LGSN: variants seen among roughly 807,000 people sequenced by gnomAD.
LGSN encodes the protein lengsin.
In LGSN, 21 loss-of-function variants were observed where a neutral mutation model predicts 19.5. The observed-to-expected ratio is 1.07, with a 90% CI of 0.76 to 1.55. The LOEUF is 1.55. Ranked by LOEUF, LGSN falls within the 40% of genes most tolerant of loss-of-function variation. The pLI is 0.00. For missense variants in LGSN, 673 were observed against 608.5 expected (o/e 1.11, Z -1.12); for synonymous variants, 257 against 215.6 (o/e 1.19, Z -1.68).
chr6:63,533,638 A>G, the LGSN span, among the ~76,000 whole-genome samples: 1 of 152,168 alleles, frequency 6.6e-6, no homozygotes, highest in African/African-American at 2.4e-5. Flanking sequence ...GATTAAATTT[A>G]CAGATAATAG....
the LGSN span, among the ~76,000 whole-genome samples, chr6:63,465,774 G>A: frequency 6.6e-6 from 1 of 151,996 alleles, no homozygotes; most frequent in East Asian, 1.9e-4. Context: ...AAGTTATATT[G>A]ATTAGTAAAC....
intron 1 of LGSN, among the ~76,000 whole-genome samples, chr6:63,297,990 T>TA (rs1768045899): frequency 1.3e-5 from 2 of 152,224 alleles, no homozygotes; most frequent in Admixed American, 1.3e-4. Flanking sequence ...TTCCTGTCCA[T>TA]AAATGTCATC....
chr6:63,340,566 AT>A, the LGSN span, among the ~76,000 whole-genome samples: 5,218 of 97,352 alleles, frequency 0.054, 309 homozygotes, highest in African/African-American at 0.18. Context: ...TCTCCCTTGT[AT>A]TTTTTTTTCC....
chr6:63,519,544 T>C, the LGSN span, among the ~76,000 whole-genome samples: 1 of 152,188 alleles, frequency 6.6e-6, no homozygotes, highest in Non-Finnish European at 1.5e-5. Flanking sequence ...TTTCCACTAA[T>C]AAGGGTAAAG....
chr6:63,311,084 T>C (rs1438011304), intron 1 of LGSN, among the ~76,000 whole-genome samples: 1 of 152,210 alleles, frequency 6.6e-6, no homozygotes, highest in Non-Finnish European at 1.5e-5. Context: ...CACTTCTACC[T>C]CTTGCTAGCC....
chr6:63,480,952 T>G, the LGSN span, among the ~76,000 whole-genome samples: 138 of 38,520 alleles, frequency 3.6e-3, 4 homozygotes, highest in East Asian at 9.5e-3. Context: ...TATATATATA[T>G]ATATATATAT....
the LGSN span, among the ~76,000 whole-genome samples, chr6:63,442,181 G>A: frequency 0.016 from 2,467 of 152,132 alleles, 25 homozygotes; most frequent in Non-Finnish European, 0.025. Flanking sequence ...CTCCCAATGC[G>A]TTTGTTCGTA....
the LGSN span, among the ~76,000 whole-genome samples, chr6:63,546,255 G>A: frequency 2.6e-5 from 4 of 152,160 alleles, no homozygotes; most frequent in African/African-American, 7.2e-5. Context: ...GCACCTGGAG[G>A]ACATTTTGCT....
At chr6:63,349,384 T>C in the LGSN span, among the ~76,000 whole-genome samples, 5 of 152,188 alleles carry the variant, frequency 3.3e-5, no homozygotes, top group Non-Finnish European at 7.4e-5. Context: ...GGCCCCTAAA[T>C]TCCCAACCCT....
chr6:63,316,764 T>A (rs1428379207), intron 1 of LGSN, among the ~76,000 whole-genome samples: 1 of 151,888 alleles, frequency 6.6e-6, no homozygotes, highest in Non-Finnish European at 1.5e-5. Flanking sequence ...AATATTCATG[T>A]ATATATAATA....
At chr6:63,546,603 G>A in the LGSN span, among the ~76,000 whole-genome samples, 1 of 152,168 alleles carries the variant, frequency 6.6e-6, no homozygotes, top group African/African-American at 2.4e-5. Context: ...CTACTTGGGA[G>A]GCTGAGGCAG....
the LGSN span, among the ~76,000 whole-genome samples, chr6:63,356,128 T>A: frequency 6.6e-6 from 1 of 152,192 alleles, no homozygotes; most frequent in Non-Finnish European, 1.5e-5. Context: ...TCATCTTGAC[T>A]ACATCTGCAA....
the LGSN span, among the ~76,000 whole-genome samples, chr6:63,539,279 A>G: frequency 1.3e-5 from 2 of 152,204 alleles, no homozygotes; most frequent in Non-Finnish European, 2.9e-5. Context: ...TAACAAAGAG[A>G]TAAAGAGTAA....
the LGSN span, among the ~76,000 whole-genome samples, chr6:63,390,145 T>TTTTTTTTTTTTTA: frequency 6.9e-6 from 1 of 144,800 alleles, no homozygotes; most frequent in African/African-American, 2.6e-5. Context: ...TTTTTTTTTT[T>TTTTTTTTTTTTTA]TTGAGGCAGA....
the LGSN span, among the ~76,000 whole-genome samples, chr6:63,516,933 A>C: frequency 6.6e-6 from 1 of 152,196 alleles, no homozygotes; most frequent in African/African-American, 2.4e-5. Context: ...CTGCCACCGT[A>C]TCATATCAAC....
Position 63,276,385 on chromosome 6 carries a change from TTAC to T in LGSN, c.*3633_*3635del, listed in dbSNP as rs1742228994. On this transcript the variant is annotated 3_prime_UTR_variant, in exon 4 of 4. Coordinates refer to ENST00000370657, the MANE Select transcript of LGSN (RefSeq NM_016571.3). ...GAATGTCCTTGAAAATAGAAACTTG[TTAC>T]TACAATACTAATGTTTTAATTTCTA... The T allele has an allele frequency of 3.3e-5, 5 of 152,108 alleles. No homozygotes were observed. The highest frequency in any genetic ancestry group is 2.1e-4 in the South Asian group (1 of 4,836). The allele number at this position is 152,108 out of a possible 1,614,324, so 9.4% of individuals were successfully genotyped here.
chr6:63,404,216 T>G, the LGSN span, among the ~76,000 whole-genome samples: 1 of 152,098 alleles, frequency 6.6e-6, no homozygotes, highest in African/African-American at 2.4e-5. Flanking sequence ...GCCACTAAGT[T>G]TGGGGCAATT....
chr6:63,378,393 CT>C, the LGSN span, among the ~76,000 whole-genome samples: 1 of 152,056 alleles, frequency 6.6e-6, no homozygotes, highest in East Asian at 1.9e-4. Context: ...TTATAATGAC[CT>C]AGAAAAGTAG....
At chr6:63,489,382 C>A in the LGSN span, among the ~76,000 whole-genome samples, 1 of 152,086 alleles carries the variant, frequency 6.6e-6, no homozygotes, top group Non-Finnish European at 1.5e-5. Flanking sequence ...TTTATTTATT[C>A]TTTGGAGACA....
Sources: gnomAD v4.1 joint callset for allele counts (sites outside exome capture counted in the v4.1 genomes callset) on GRCh38, gnomAD v4.1.1 for gene constraint, MANE v1.5 for transcripts, NCBI Gene and HGNC (gene_info 2026-07-23, HGNC 2026-07-21) for gene names.